The following MCC variants were observed in gnomAD, a reference collection of about 807,000 sequenced individuals.
MCC encodes the protein colorectal mutant cancer protein.
Under a neutral mutation model 116.2 loss-of-function variants are expected in MCC, and 90 were observed. The ratio of observed to expected loss-of-function variants is 0.77; its 90% CI spans 0.65 to 0.92. The LOEUF is 0.92. MCC is among the 40% of genes least tolerant of loss of function. The pLI is 0.00. For synonymous variants in MCC, 578 were observed against 510.5 expected, an observed-to-expected ratio of 1.13 and a Z score of -1.78; for missense variants, 1,516 against 1,312.2, an observed-to-expected ratio of 1.16 and a Z score of -2.40.
At chr5:113,138,842 G>A (rs950821379) in intron 5 of MCC, among the ~76,000 whole-genome samples, 2 of 152,134 alleles carry the variant, frequency 1.3e-5, no homozygotes, top group Non-Finnish European at 2.9e-5. Context: ...GGGGTAAAAG[G>A]AAAGTTTACT....
At chr5:113,059,554 T>C (rs1203234525) in intron 14 of MCC, among the ~76,000 whole-genome samples, 1 of 152,224 alleles carries the variant, frequency 6.6e-6, no homozygotes, top group Non-Finnish European at 1.5e-5. Context: ...TGTGGCTGCA[T>C]TATTCCTCCT....
At chr5:113,196,077 A>T (rs1762390082) in intron 3 of MCC, among the ~76,000 whole-genome samples, 1 of 152,094 alleles carries the variant, frequency 6.6e-6, no homozygotes, top group African/African-American at 2.4e-5. Flanking sequence ...TCGATTGTTT[A>T]CTTGTGCCTC....
chr5:113,108,451 G>A (rs1041994566), intron 6 of MCC, among the ~76,000 whole-genome samples: 1 of 150,108 alleles, frequency 6.7e-6, no homozygotes, highest in East Asian at 2.0e-4. Context: ...TCAGGAGTTT[G>A]AGACCAGCCT....
intron 1 of MCC, among the ~76,000 whole-genome samples, chr5:113,463,119 G>C (rs891906855): frequency 6.6e-6 from 1 of 152,298 alleles, no homozygotes; most frequent in African/African-American, 2.4e-5. Context: ...TAGGGAGTGA[G>C]AGCAGAACAC....
At chr5:113,425,147 G>A (rs1450244015) in intron 1 of MCC, among the ~76,000 whole-genome samples, 2 of 152,072 alleles carry the variant, frequency 1.3e-5, no homozygotes, top group African/African-American at 2.4e-5. Context: ...AAAGCTTTCA[G>A]AAGAGAAAAA....
intron 3 of MCC, among the ~76,000 whole-genome samples, chr5:113,254,392 T>C (rs1764925756): frequency 6.6e-6 from 1 of 152,184 alleles, no homozygotes; most frequent in South Asian, 2.1e-4. Flanking sequence ...GGAAAATAAA[T>C]GTCAGCTGTT....
chr5:113,229,284 A>G (rs961020674), intron 3 of MCC, among the ~76,000 whole-genome samples: 7 of 152,202 alleles, frequency 4.6e-5, no homozygotes, highest in African/African-American at 1.7e-4. Context: ...CTAAATGCCT[A>G]TTTAAAATGT....
intron 3 of MCC, among the ~76,000 whole-genome samples, chr5:113,228,642 T>A (rs998607844): frequency 6.6e-6 from 1 of 152,188 alleles, no homozygotes; most frequent in African/African-American, 2.4e-5. Flanking sequence ...AAGAGGCTTT[T>A]ATACTGAGTG....
intron 1 of MCC, among the ~76,000 whole-genome samples, chr5:113,420,486 C>T (rs1226867093): frequency 6.6e-6 from 1 of 152,082 alleles, no homozygotes; most frequent in African/African-American, 2.4e-5. Context: ...AAGCAGGGAT[C>T]ATCTCTATGA....
chr5:113,239,245 AG>A (rs1172700593), intron 3 of MCC, among the ~76,000 whole-genome samples: 2 of 152,190 alleles, frequency 1.3e-5, no homozygotes, highest in African/African-American at 4.8e-5. Flanking sequence ...AGATCTCTTT[AG>A]AAAAACATGT....
intron 3 of MCC, among the ~76,000 whole-genome samples, chr5:113,241,216 T>C (rs1464947910): frequency 2.0e-5 from 3 of 152,218 alleles, no homozygotes; most frequent in African/African-American, 4.8e-5. Context: ...ATGTAGCAGA[T>C]TGACTACACA....
chr5:113,389,745 C>A (rs1482176537), intron 1 of MCC, among the ~76,000 whole-genome samples: 1 of 152,198 alleles, frequency 6.6e-6, no homozygotes, highest in East Asian at 1.9e-4. Context: ...ACCACATGCA[C>A]AGCAGACCCC....
At chr5:113,299,112 C>T (rs1766785670) in intron 3 of MCC, among the ~76,000 whole-genome samples, 1 of 151,438 alleles carries the variant, frequency 6.6e-6, no homozygotes, top group South Asian at 2.1e-4. Context: ...CATGGTGAAA[C>T]CCCCGTCTCT....
At chr5:113,467,477 A>G (rs1771944004) in intron 1 of MCC, among the ~76,000 whole-genome samples, 1 of 152,200 alleles carries the variant, frequency 6.6e-6, no homozygotes, top group African/African-American at 2.4e-5. Context: ...CAGGTTTATG[A>G]AAGATCAGAT....
intron 3 of MCC, among the ~76,000 whole-genome samples, chr5:113,259,710 A>G (rs1172307403): frequency 6.6e-6 from 1 of 152,060 alleles, no homozygotes; most frequent in East Asian, 1.9e-4. Context: ...ATTTATGCCT[A>G]GTGTTCCATT....
At chr5:113,113,058 G>A (rs1274849600) in intron 6 of MCC, among the ~76,000 whole-genome samples, 3 of 152,182 alleles carry the variant, frequency 2.0e-5, no homozygotes, top group Non-Finnish European at 4.4e-5. Context: ...GCTATAGCAG[G>A]ACTGGCCATT....
chr5:113,157,118 G>A (rs906769872), intron 3 of MCC, among the ~76,000 whole-genome samples: 22 of 152,202 alleles, frequency 1.4e-4, no homozygotes, highest in African/African-American at 5.3e-4. Flanking sequence ...ACTCTGATGA[G>A]AGCCCCTCCA....
chr5:113,143,171 A>G (rs185740908), intron 5 of MCC, 47 bp downstream of exon 5: 61 of 1,526,572 alleles, frequency 4.0e-5, no homozygotes, highest in Non-Finnish European at 5.2e-5. Flanking sequence ...TCCAAGATGG[A>G]GGGTTTAGCA....
chr5:113,235,439 C>A (rs1161145296), intron 3 of MCC, among the ~76,000 whole-genome samples: 1 of 152,132 alleles, frequency 6.6e-6, no homozygotes, highest in Non-Finnish European at 1.5e-5. Context: ...CTTCATTCCA[C>A]TAAACAAGAG....
Sources: gnomAD v4.1 joint callset for allele counts (sites outside exome capture counted in the v4.1 genomes callset) on GRCh38, gnomAD v4.1.1 for gene constraint, MANE v1.5 for transcripts, NCBI Gene and HGNC (gene_info 2026-07-23, HGNC 2026-07-21) for gene names.